Variants in CYP2J2 observed in about 807,000 individuals in gnomAD.
CYP2J2 encodes cytochrome P450 2J2.
In CYP2J2, 41 loss-of-function variants were observed where a neutral mutation model predicts 48.8. That is an observed-to-expected ratio of 0.84 (90% CI 0.66 to 1.09). The LOEUF (loss-of-function observed/expected upper bound fraction) is 1.09, where lower values mean the gene tolerates loss of function less well. Among genes scored for constraint, CYP2J2 ranks in the 50% least tolerant of loss-of-function variants. CYP2J2 has a pLI of 0.00. For synonymous variants in CYP2J2, 221 were observed against 227.1 expected, an observed-to-expected ratio of 0.97 and a Z score of 0.24; for missense variants, 644 against 617.3, an observed-to-expected ratio of 1.04 and a Z score of -0.46.
chr1:59,899,428 G>C (rs954362904), intron 8 of CYP2J2, among the ~76,000 whole-genome samples: 2 of 152,192 alleles, frequency 1.3e-5, no homozygotes, highest in African/African-American at 4.8e-5. Flanking sequence ...AGCACAGGGG[G>C]AGAGCATGGG....
intron 6 of CYP2J2, among the ~76,000 whole-genome samples, chr1:59,905,945 G>A (rs564410194): frequency 6.6e-6 from 1 of 152,182 alleles, no homozygotes; most frequent in African/African-American, 2.4e-5. Context: ...CCAGCACTTT[G>A]GGAGGCCAAC....
chr1:59,955,244 A>G, the CYP2J2 span, among the ~76,000 whole-genome samples: 8 of 97,922 alleles, frequency 8.2e-5, no homozygotes, highest in Admixed American at 1.7e-4. Context: ...ATAAGGATAT[A>G]TATATATCCA....
In CYP2J2 at chr1:59,916,100, A is replaced by G; in HGVS notation, c.211T>C (p.Phe71Leu). The G allele has an allele frequency of 6.2e-7, 1 of 1,606,062 alleles. No homozygotes were observed. The highest frequency in any genetic ancestry group is 8.5e-7 in the Non-Finnish European group (1 of 1,176,442). The part of the protein sequence containing the change: ...FEQSHLEVQL[F>L]VKKYGNLFSL... ...AAAAGGTTCCCATATTTCTTCACAA[A>G]CTGAAAAATAGTTAAATCGTAACAG... is the stretch of plus-strand genomic sequence containing the variant. The change falls in exon 2 of 9, where the codon TTT becomes CTT. Residue 71 changes from phenylalanine to leucine, a missense_variant and splice_region_variant. Coordinates refer to ENST00000371204, the MANE Select transcript of CYP2J2 (RefSeq NM_000775.4).
chr1:59,926,911 G>A, upstream of CYP2J2: 1 of 650,338 alleles, frequency 1.5e-6, no homozygotes, highest in South Asian at 1.9e-5. Flanking sequence ...GACACGCACC[G>A]GTCTCAGAAA....
chr1:59,935,960 C>T, the CYP2J2 span, among the ~76,000 whole-genome samples: 1 of 151,684 alleles, frequency 6.6e-6, no homozygotes, highest in South Asian at 2.1e-4. Flanking sequence ...GTTTTTAGTA[C>T]AAAAAAAAGT....
the CYP2J2 span, among the ~76,000 whole-genome samples, chr1:59,965,826 A>G: frequency 2.0e-5 from 3 of 151,824 alleles, no homozygotes; most frequent in Admixed American, 2.0e-4. Context: ...TAATTTTTGT[A>G]TTTCTAGTAG....
intron 2 of CYP2J2, among the ~76,000 whole-genome samples, chr1:59,913,980 T>A (rs1412397211): frequency 6.6e-6 from 1 of 152,226 alleles, no homozygotes; most frequent in Non-Finnish European, 1.5e-5. Context: ...GCTTGTCATG[T>A]TGGCCACCTT....
the CYP2J2 span, among the ~76,000 whole-genome samples, chr1:59,960,890 A>C: frequency 2.0e-5 from 3 of 152,184 alleles, no homozygotes; most frequent in African/African-American, 7.2e-5. Context: ...AAGACAATTC[A>C]ATGAGGGAAG....
intron 8 of CYP2J2, among the ~76,000 whole-genome samples, chr1:59,896,459 C>T (rs1357011447): frequency 2.0e-5 from 3 of 152,028 alleles, no homozygotes; most frequent in South Asian, 2.1e-4. Flanking sequence ...TCACAAAGTT[C>T]GATTTTCTCC....
chr1:59,921,528 C>T (rs1644515276), intron 1 of CYP2J2, among the ~76,000 whole-genome samples: 1 of 152,182 alleles, frequency 6.6e-6, no homozygotes, highest in East Asian at 2.0e-4. Context: ...TAAATGGACC[C>T]ATGAGGGGCA....
chr1:59,896,845 C>T (rs1644274213), intron 8 of CYP2J2, among the ~76,000 whole-genome samples: 1 of 152,206 alleles, frequency 6.6e-6, no homozygotes, highest in African/African-American at 2.4e-5. Flanking sequence ...AAACCATTGT[C>T]AACATTTTAA....
chr1:59,904,379 A>G (rs1253199272), intron 7 of CYP2J2: 1 of 152,616 alleles, frequency 6.6e-6, no homozygotes, highest in African/African-American at 2.4e-5. Flanking sequence ...TGGGGATATT[A>G]TGTTAAAAAC....
At chr1:59,955,253 C>CATATATATATCCATATATATACATCCAT in the CYP2J2 span, among the ~76,000 whole-genome samples, 1 of 108,026 alleles carries the variant, frequency 9.3e-6, no homozygotes. Context: ...TATATATATC[C>CATATATATATCCATATATATACATCCAT]ATATATATAT....
chr1:59,924,648 A>T (rs1200423183), intron 1 of CYP2J2, among the ~76,000 whole-genome samples: 1 of 152,142 alleles, frequency 6.6e-6, no homozygotes, highest in Non-Finnish European at 1.5e-5. Flanking sequence ...CTTGTAAAAC[A>T]TAATACAAAC....
chr1:59,914,525 CAT>C (rs2102127938), intron 2 of CYP2J2, among the ~76,000 whole-genome samples: 1 of 152,304 alleles, frequency 6.6e-6, no homozygotes, highest in Non-Finnish European at 1.5e-5. Context: ...CTCACAAAAA[CAT>C]ATGTTGTATG....
At chr1:59,941,059 A>C in the CYP2J2 span, among the ~76,000 whole-genome samples, 11,219 of 152,302 alleles carry the variant, frequency 0.074, 429 homozygotes, top group African/African-American at 0.1. Flanking sequence ...AGTAGAAGGA[A>C]TACGTTCTAA....
intron 8 of CYP2J2, among the ~76,000 whole-genome samples, chr1:59,898,274 C>A (rs1199600273): frequency 3.3e-5 from 5 of 152,194 alleles, no homozygotes; most frequent in African/African-American, 1.2e-4. Flanking sequence ...AGTTCCCAGT[C>A]TGGACCTTAA....
Position 59,914,492 on chromosome 1 carries a change from A to G in CYP2J2, c.373+1446T>C, listed in dbSNP as rs1644446488. On this transcript the variant is annotated intron_variant, in intron 2 of 8. Coordinates refer to ENST00000371204, the MANE Select transcript of CYP2J2 (RefSeq NM_000775.4). ...AACTTTTCCCCAACCTCTTTGCCCC[A>G]ATCTCTTTGCCCCAACTTTGAGCTC... Among the ~76,000 whole-genome samples the G allele has an allele frequency of 2.0e-5, 3 of 152,138 alleles. No homozygotes were observed. The South Asian group carries it at 6.2e-4, about 31-fold the overall frequency.
chr1:59,910,760 C>A lies in CYP2J2; in HGVS notation c.685-800G>T, dbSNP rs11572266. Among the ~76,000 whole-genome samples the A allele has an allele frequency of 9.2e-3, 1,394 of 152,180 alleles. 16 individuals are homozygous for A. Among genetic ancestry groups the A allele is most frequent in the African/African-American group, 0.031 (1,305 of 41,500 alleles). On this transcript the variant is annotated intron_variant, in intron 4 of 8. Transcript: ENST00000371204. ...CAATACTTGGGGTCAACTTCTCCCC[C>A]CTCCCCCCAGCTCCCAGAAATGTCT... is the stretch of plus-strand genomic sequence containing the variant.
Sources: allele counts gnomAD v4.1 joint callset (sites outside exome capture counted in the v4.1 genomes callset), GRCh38; gene constraint gnomAD v4.1.1; transcripts MANE v1.5; gene names NCBI Gene and HGNC (gene_info 2026-07-23, HGNC 2026-07-21).